DLC1: variants seen among roughly 807,000 people sequenced by gnomAD.
DLC1 encodes the protein rho GTPase-activating protein 7.
DLC1 carries 54 observed loss-of-function variants against 140.3 expected under a neutral mutation model. The ratio of observed to expected loss-of-function variants is 0.38; its 90% CI spans 0.31 to 0.48. DLC1 has a LOEUF of 0.48. DLC1 is among the 20% of genes least tolerant of loss of function. The pLI is 0.96. For synonymous variants in DLC1, 986 were observed against 728.1 expected (o/e 1.35, Z -5.70); for missense variants, 2,536 against 1,907.0 (o/e 1.33, Z -6.14).
intron 16 of DLC1, among the ~76,000 whole-genome samples, chr8:13,087,074 CTT>C (rs1817623462): frequency 6.6e-6 from 1 of 152,222 alleles, no homozygotes; most frequent in South Asian, 2.1e-4. Flanking sequence ...CTTGCCCTCT[CTT>C]TGCCCTTCCA....
intron 5 of DLC1, among the ~76,000 whole-genome samples, chr8:13,187,807 T>C (rs1203543174): frequency 6.6e-6 from 1 of 152,194 alleles, no homozygotes; most frequent in Non-Finnish European, 1.5e-5. Context: ...TGTTGGACTT[T>C]TGGATGGAAT....
At chr8:13,320,116 T>C (rs1362944455) in intron 4 of DLC1, among the ~76,000 whole-genome samples, 2 of 152,174 alleles carry the variant, frequency 1.3e-5, no homozygotes, top group Non-Finnish European at 2.9e-5. Flanking sequence ...TGGCCCATTA[T>C]TTAATTCTAT....
chr8:13,174,631 T>C (rs555204023), intron 5 of DLC1, among the ~76,000 whole-genome samples: 2 of 152,288 alleles, frequency 1.3e-5, no homozygotes, highest in African/African-American at 2.4e-5. Flanking sequence ...TGATAAGCAT[T>C]TTTATATGTT....
chr8:13,259,312 C>T (rs951379866), intron 5 of DLC1, among the ~76,000 whole-genome samples: 10 of 152,184 alleles, frequency 6.6e-5, no homozygotes, highest in Non-Finnish European at 1.5e-4. Flanking sequence ...ACAGACTATC[C>T]AGTGCTGTGA....
At chr8:13,484,131 T>C (rs966774111) in intron 2 of DLC1, among the ~76,000 whole-genome samples, 27 of 151,900 alleles carry the variant, frequency 1.8e-4, no homozygotes, top group African/African-American at 6.0e-4. Flanking sequence ...AGCTGCAGTG[T>C]GGAATATGAA....
intron 1 of DLC1, among the ~76,000 whole-genome samples, chr8:13,533,716 C>T (rs1803177065): frequency 1.3e-5 from 2 of 152,140 alleles, no homozygotes; most frequent in Non-Finnish European, 2.9e-5. Flanking sequence ...TCTGTGTCCC[C>T]ACCCAAATCT....
chr8:13,134,444 A>T (rs1036503638), intron 5 of DLC1, among the ~76,000 whole-genome samples: 3 of 152,226 alleles, frequency 2.0e-5, no homozygotes, highest in Non-Finnish European at 2.9e-5. Flanking sequence ...AATGCATAAC[A>T]AACAAAATAA....
At chr8:13,332,391 G>T (rs1833626813) in intron 4 of DLC1, among the ~76,000 whole-genome samples, 1 of 151,396 alleles carries the variant, frequency 6.6e-6, no homozygotes, top group Non-Finnish European at 1.5e-5. Context: ...CTTGGTAGCT[G>T]CTGGAAACAC....
At chr8:13,143,505 A>C (rs1489564489) in intron 5 of DLC1, among the ~76,000 whole-genome samples, 1 of 152,100 alleles carries the variant, frequency 6.6e-6, no homozygotes, top group East Asian at 1.9e-4. Context: ...GCCTAAGCTG[A>C]AGTGCAAAGG....
chr8:13,376,974 T>C (rs1290650174), intron 4 of DLC1, among the ~76,000 whole-genome samples: 1 of 152,206 alleles, frequency 6.6e-6, no homozygotes, highest in Non-Finnish European at 1.5e-5. Context: ...AAAAATCTGG[T>C]AGAAACCAGT....
rs780469871 is a variant in DLC1 at position 13,091,341 on chromosome 8, C to T, written c.3832G>A (p.Ala1278Thr). The T allele has an allele frequency of 2.7e-5, 44 of 1,613,900 alleles. No individual in the cohort carries two copies. The highest frequency in any genetic ancestry group is 1.6e-4 in the Middle Eastern group (1 of 6,084). The change falls in exon 14 of 18, where the codon GCC becomes ACC. Residue 1278 changes from alanine (A) to threonine (T), a missense_variant. Transcript: ENST00000276297. Reference protein sequence around the residue: ...AATQGLAHMIAECKKLFQVPE... With the variant: ...AATQGLAHMITECKKLFQVPE... Reference sequence around the variant, plus strand: ...ACCTGGAAAAGCTTCTTGCACTCGGCGATCATATGGGCCAGCCCTTGAGTG... The same window carrying T: ...ACCTGGAAAAGCTTCTTGCACTCGGTGATCATATGGGCCAGCCCTTGAGTG...
intron 4 of DLC1, among the ~76,000 whole-genome samples, chr8:13,347,790 C>T (rs936013431): frequency 2.6e-5 from 4 of 152,106 alleles, no homozygotes; most frequent in African/African-American, 9.7e-5. Context: ...TATAAGAATA[C>T]AGAGTAGAGG....
chr8:13,090,174 GGCA>G, intron 15 of DLC1, 75 bp downstream of exon 15: 2 of 1,385,636 alleles, frequency 1.4e-6, no homozygotes, highest in Middle Eastern at 3.8e-4. Context: ...CAGATTAGTT[GGCA>G]AAAGCGTGTT....
chr8:13,449,507 A>G (rs562453879), intron 2 of DLC1, among the ~76,000 whole-genome samples: 3 of 152,334 alleles, frequency 2.0e-5, no homozygotes, highest in Non-Finnish European at 2.9e-5. Flanking sequence ...GACAGGATTT[A>G]GGAACCTGAC....
intron 2 of DLC1, among the ~76,000 whole-genome samples, chr8:13,460,274 T>C (rs1799598733): frequency 1.3e-5 from 2 of 152,324 alleles, no homozygotes; most frequent in African/African-American, 4.8e-5. Flanking sequence ...ACTATGTTTC[T>C]CCTCTGCATA....
intron 5 of DLC1, among the ~76,000 whole-genome samples, chr8:13,205,774 A>G (rs563997838): frequency 1.3e-5 from 2 of 152,342 alleles, no homozygotes; most frequent in South Asian, 4.1e-4. Context: ...ACATAAGTAG[A>G]CATAAGAGAG....
intron 1 of DLC1, among the ~76,000 whole-genome samples, chr8:13,501,539 G>T (rs1040185487): frequency 6.6e-6 from 1 of 152,094 alleles, no homozygotes. Context: ...ACTGATTTTC[G>T]ATCTCTTTAG....
chr8:13,389,242 C>T (rs1410097110), intron 4 of DLC1, among the ~76,000 whole-genome samples: 2 of 152,026 alleles, frequency 1.3e-5, no homozygotes, highest in African/African-American at 4.8e-5. Flanking sequence ...GGAAAAACAA[C>T]CACAACAAAA....
intron 5 of DLC1, among the ~76,000 whole-genome samples, chr8:13,194,625 G>A (rs1563154826): frequency 6.6e-6 from 1 of 152,174 alleles, no homozygotes; most frequent in African/African-American, 2.4e-5. Flanking sequence ...ACTCCATTCT[G>A]GGGATTAAAA....
Sources: allele counts gnomAD v4.1 joint callset (sites outside exome capture counted in the v4.1 genomes callset), GRCh38; gene constraint gnomAD v4.1.1; transcripts MANE v1.5; gene names NCBI Gene and HGNC (gene_info 2026-07-23, HGNC 2026-07-21).